SYT9: variants seen among roughly 807,000 people sequenced by gnomAD.
SYT9 encodes synaptotagmin-9.
Under a neutral mutation model 48.4 loss-of-function variants are expected in SYT9, and 22 were observed. The observed-to-expected ratio is 0.45, with a 90% CI of 0.32 to 0.65. The LOEUF is 0.65. Among genes scored for constraint, SYT9 ranks in the 30% least tolerant of loss-of-function variants. The pLI is 0.03. For missense variants in SYT9, 577 were observed against 622.0 expected, an observed-to-expected ratio of 0.93 and a Z score of 0.77; for synonymous variants, 265 against 245.0, an observed-to-expected ratio of 1.08 and a Z score of -0.76.
At chr11:7,310,847 A>G (rs551791074) in intron 2 of SYT9, among the ~76,000 whole-genome samples, 1 of 152,164 alleles carries the variant, frequency 6.6e-6, no homozygotes, top group Non-Finnish European at 1.5e-5. Context: ...TCTTTGAACT[A>G]CATCAACAAC....
chr11:7,298,029 C>A (rs527650169), intron 1 of SYT9, among the ~76,000 whole-genome samples: 1 of 152,226 alleles, frequency 6.6e-6, no homozygotes, highest in East Asian at 1.9e-4. Context: ...AGATGCTCAG[C>A]GGACCCCTAT....
chr11:7,283,161 A>G, intron 1 of SYT9, among the ~76,000 whole-genome samples: 2 of 149,466 alleles, frequency 1.3e-5, no homozygotes, highest in East Asian at 4.0e-4. Flanking sequence ...ATATATATAT[A>G]TATACACACA....
intron 3 of SYT9, among the ~76,000 whole-genome samples, chr11:7,370,591 AAATT>A (rs1850344570): frequency 6.6e-6 from 1 of 152,186 alleles, no homozygotes; most frequent in Non-Finnish European, 1.5e-5. Flanking sequence ...TATGGGATAT[AAATT>A]ATGTCTCAAC....
intron 3 of SYT9, among the ~76,000 whole-genome samples, chr11:7,324,373 T>C (rs907943444): frequency 2.6e-4 from 39 of 152,058 alleles, no homozygotes; most frequent in African/African-American, 9.4e-4. Context: ...CTTTTAATTC[T>C]ATTAATTCTA....
intron 2 of SYT9, among the ~76,000 whole-genome samples, chr11:7,306,925 A>G (rs1348230532): frequency 2.6e-5 from 4 of 152,208 alleles, no homozygotes; most frequent in Non-Finnish European, 4.4e-5. Flanking sequence ...CACCTGGCAC[A>G]TGGAGGACTT....
chr11:7,369,319 GTTGT>G (rs144870623), intron 3 of SYT9, among the ~76,000 whole-genome samples: 29,002 of 150,576 alleles, frequency 0.19, 2,856 homozygotes, highest in African/African-American at 0.23. Context: ...TTTTGATGGT[GTTGT>G]TTGTTTTTTT....
chr11:7,310,874 G>A (rs1187174137), intron 2 of SYT9, among the ~76,000 whole-genome samples: 1 of 152,128 alleles, frequency 6.6e-6, no homozygotes, highest in African/African-American at 2.4e-5. Context: ...CTCCCTGCTG[G>A]CAATCCACTT....
At chr11:7,458,545 G>A (rs1417415874) in intron 6 of SYT9, among the ~76,000 whole-genome samples, 1 of 152,144 alleles carries the variant, frequency 6.6e-6, no homozygotes, top group African/African-American at 2.4e-5. Context: ...GTGTGACATA[G>A]ATTGTTTACT....
At chr11:7,380,339 T>A (rs1248492070) in intron 3 of SYT9, among the ~76,000 whole-genome samples, 1 of 151,950 alleles carries the variant, frequency 6.6e-6, no homozygotes, top group African/African-American at 2.4e-5. Context: ...CACAAAAAAA[T>A]TAGAATGAAT....
At chr11:7,247,791 T>C (rs1847813276), upstream of SYT9, among the ~76,000 whole-genome samples, 2 of 151,912 alleles carry the variant, frequency 1.3e-5, no homozygotes, top group Non-Finnish European at 1.5e-5. Context: ...TATACATACA[T>C]GTGCAAGTAT....
intron 6 of SYT9, among the ~76,000 whole-genome samples, chr11:7,423,459 A>C (rs1180681818): frequency 6.6e-6 from 1 of 152,118 alleles, no homozygotes; most frequent in Non-Finnish European, 1.5e-5. Flanking sequence ...CACTCACTAG[A>C]TGTTTGTTTT....
intron 1 of SYT9, among the ~76,000 whole-genome samples, chr11:7,286,405 G>A (rs988768159): frequency 6.6e-6 from 1 of 152,196 alleles, no homozygotes; most frequent in Non-Finnish European, 1.5e-5. Flanking sequence ...CACACAGCAG[G>A]GGGGGCCCAG....
intron 6 of SYT9, among the ~76,000 whole-genome samples, chr11:7,421,926 T>C (rs1847363297): frequency 6.6e-6 from 1 of 152,220 alleles, no homozygotes; most frequent in Admixed American, 6.5e-5. Flanking sequence ...GAGGAGATTG[T>C]GAAGCATCTC....
At chr11:7,251,132 A>ACACACACCCC (rs146134507), upstream of SYT9, among the ~76,000 whole-genome samples, 6 of 127,852 alleles carry the variant, frequency 4.7e-5, no homozygotes, top group African/African-American at 1.5e-4. Context: ...ACACACACAC[A>ACACACACCCC]CCCAGAGTAC....
intron 3 of SYT9, among the ~76,000 whole-genome samples, chr11:7,392,031 A>G (rs1846630189): frequency 6.6e-6 from 1 of 152,006 alleles, no homozygotes; most frequent in African/African-American, 2.4e-5. Context: ...ATTTAGATGC[A>G]TAATTTCTGA....
rs569736336 is a variant in SYT9, at chr11:7,332,335, T to C, written c.1044+18394T>C. Among the ~76,000 whole-genome samples, 7 of 152,318 alleles carry C rather than the reference T, an allele frequency of 4.6e-5. No individual in the cohort carries two copies. The South Asian group carries it at 1.5e-3, about 32-fold the overall frequency. Reference sequence around the variant, plus strand: ...TATAACTTGCCTGTCATTTTCAAGATGGTTCCCATCAGCTGAGGAGAATTT... The same window carrying C: ...TATAACTTGCCTGTCATTTTCAAGACGGTTCCCATCAGCTGAGGAGAATTT... On this transcript the variant is annotated intron_variant, in intron 3 of 6. Transcript: ENST00000318881.
At chr11:7,427,065 G>A (rs772645497) in intron 6 of SYT9, among the ~76,000 whole-genome samples, 24 of 150,922 alleles carry the variant, frequency 1.6e-4, no homozygotes, top group Non-Finnish European at 3.1e-4. Context: ...TCTCTGTTAC[G>A]TAGGTATTGA....
intron 2 of SYT9, among the ~76,000 whole-genome samples, chr11:7,306,272 A>T (rs1407337469): frequency 1.3e-5 from 2 of 152,138 alleles, no homozygotes; most frequent in African/African-American, 2.4e-5. Flanking sequence ...CATCTAATCC[A>T]TTTCCTGATT....
At chr11:7,427,006 C>T (rs961195287) in intron 6 of SYT9, among the ~76,000 whole-genome samples, 7 of 151,904 alleles carry the variant, frequency 4.6e-5, no homozygotes, top group Non-Finnish European at 7.4e-5. Flanking sequence ...GAATATATGG[C>T]GTTTATTCAA....
Sources: gnomAD v4.1 joint callset for allele counts (sites outside exome capture counted in the v4.1 genomes callset) on GRCh38, gnomAD v4.1.1 for gene constraint, MANE v1.5 for transcripts, NCBI Gene and HGNC (gene_info 2026-07-23, HGNC 2026-07-21) for gene names.